The following ATF6B variants were observed in gnomAD, a reference collection of about 807,000 sequenced individuals.
ATF6B encodes activating transcription factor 6 beta, also known as cyclic AMP-dependent transcription factor ATF-6 beta.
A neutral mutation model predicts 83.5 loss-of-function variants in ATF6B; 50 were observed. That is an observed-to-expected ratio of 0.60 (90% CI 0.48 to 0.76). The LOEUF (loss-of-function observed/expected upper bound fraction) is 0.76, where lower values mean the gene tolerates loss of function less well. Among genes scored for constraint, ATF6B ranks in the 30% least tolerant of loss-of-function variants. ATF6B has a pLI of 0.00. For missense variants in ATF6B, 790 were observed against 893.8 expected (o/e 0.88, Z 1.48); for synonymous variants, 344 against 362.8 (o/e 0.95, Z 0.59).
intron 1 of ATF6B, 140 bp from the exon 2 acceptor site, chr6:32,127,890 G>T: frequency 9.5e-7 from 1 of 1,051,834 alleles, no homozygotes; most frequent in Non-Finnish European, 1.4e-6. Flanking sequence ...CAACCAGGGC[G>T]CTTCAGCCCC....
At chr6:32,123,685 G>A (rs779294059) in intron 5 of ATF6B, among the ~76,000 whole-genome samples, 1 of 152,126 alleles carries the variant, frequency 6.6e-6, no homozygotes, top group Non-Finnish European at 1.5e-5. Context: ...ACTGTGCCTG[G>A]CCTGCTAATG....
In ATF6B at chr6:32,119,135, G is replaced by C; in HGVS notation, c.973C>G (p.Leu325Val). The change falls in exon 10 of 18, where the codon CTG becomes GTG. Residue 325 changes from leucine to valine, a missense_variant. Coordinates refer to ENST00000375203, the MANE Select transcript of ATF6B (RefSeq NM_004381.5). This position sits in a 1 kb window ranked among gnomAD's most constrained non-coding sequence, Gnocchi z 4.9. ...ATCATTCGCTGCTGCCGCTTCAGCA[G>C]CTTTGCCTAGGCACCCGGAAGGTCA... Reference protein sequence around the residue: ...NSCPPEVDAKLLKRQQRMIKN... With the variant: ...NSCPPEVDAKVLKRQQRMIKN... 6.2e-7 allele frequency: 1 copy of C among 1,609,872 alleles called. No homozygotes were observed. Among genetic ancestry groups the C allele is most frequent in the Non-Finnish European group, 8.5e-7 (1 of 1,179,104 alleles).
chr6:32,120,468 T>C (rs1254362001), intron 8 of ATF6B: 1 of 196,208 alleles, frequency 5.1e-6, no homozygotes, highest in Non-Finnish European at 1.0e-5. Flanking sequence ...TTTTTTTTTT[T>C]GAGACAAAGT....
At chr6:32,128,070 C>T (rs1354569478) in intron 1 of ATF6B, 47 bp downstream of exon 1, 6 of 1,604,104 alleles carry the variant, frequency 3.7e-6, no homozygotes, top group South Asian at 1.1e-5. Flanking sequence ...TTCCCGCGTG[C>T]CTCAGGGACA....
chr6:32,115,704 C>T lies in ATF6B; in HGVS notation c.*35G>A, dbSNP rs201266072. On this transcript the variant is annotated 3_prime_UTR_variant, in exon 18 of 18. Transcript: ENST00000375203. ...GTCCCACCTGGCCACCTGGTACCCC[C>T]TCCCCCCGTTCTAAGTCAGTGTGAA... The T allele has an allele frequency of 5.5e-5, 84 of 1,524,196 alleles. No homozygotes were observed. The highest frequency in any genetic ancestry group is 7.1e-5 in the Non-Finnish European group (80 of 1,127,382). The allele number at this position is 1,524,196 out of a possible 1,614,324, so 94.4% of individuals were successfully genotyped here. A position where few individuals can be genotyped will look rare whatever the true frequency, so the allele number is the denominator to read the frequency against.
At position 32,119,362 on chromosome 6, in the gene ATF6B, A is replaced by G. The variant is rs1781661797; in HGVS notation, c.967-221T>C. 6.6e-6 allele frequency among the ~76,000 whole-genome samples: 1 copy of G among 152,162 alleles called. No individual in the cohort carries two copies. Among genetic ancestry groups the G allele is most frequent in the African/African-American group, 2.4e-5 (1 of 41,438 alleles). ...TGCTACTGCTCCTCAGAGGTGGGAAAGGTTAGAGTGTGGGAAGAACTTTCT... is the reference window on the plus strand; with the variant it reads ...TGCTACTGCTCCTCAGAGGTGGGAAGGGTTAGAGTGTGGGAAGAACTTTCT... On this transcript the variant is annotated intron_variant, in intron 9 of 17. Coordinates refer to ENST00000375203, the MANE Select transcript of ATF6B (RefSeq NM_004381.5). This position sits in a 1 kb window ranked among gnomAD's most constrained non-coding sequence, Gnocchi z 4.9.
In ATF6B at chr6:32,115,769, G is replaced by A. The variant is rs776728606; in HGVS notation, c.2082C>T (p.Ser694=). ...VSAASQAHQA[S]HQPLYLNHP ...GATGATTGAGGTAGAGGGGCTGGTG[G>A]GAGGCCTGGTGGGCCTGGCTGGCTG... The change falls in exon 18 of 18, where the codon TCC becomes TCT. Residue 694 remains serine, a synonymous_variant. Transcript: ENST00000375203. 8.7e-6 allele frequency: 14 copies of A among 1,609,682 alleles called. 1 individual carries two copies. The South Asian group carries it at 1.2e-4, about 14-fold the overall frequency.
At position 32,119,789 on chromosome 6, in the gene ATF6B, T is replaced by A. The variant is rs1311905926; in HGVS notation, c.966+35A>T. On this transcript the variant is annotated intron_variant, in intron 9 of 17. Transcript: ENST00000375203. This position sits in a 1 kb window ranked among gnomAD's most constrained non-coding sequence, Gnocchi z 4.9. ...GCAAGACTTCCCTCTTCCCTTCCCA[T>A]CACTCGCCCTACTTCTCTCCTCCCC... The A allele has an allele frequency of 1.2e-6, 2 of 1,607,748 alleles. No homozygotes were observed. Among genetic ancestry groups the A allele is most frequent in the African/African-American group, 2.7e-5 (2 of 74,876 alleles).
Position 32,115,944 on chromosome 6 carries a change from G to A in ATF6B, c.1907C>T (p.Pro636Leu). ...CTGCATCATCTCCTCATAGTCCCCC[G>A]GGGCCCCACGGCCTGACAGGGTCTC... ...PNETLSGRGA[P>L]GDYEEMMQIE... Residue 636 changes from proline (P) to leucine (L), a missense_variant, in exon 18 of 18, where the codon CCG becomes CTG. Around this residue, in one of 3 missense-constraint regions of ATF6B, gnomAD observed 530 missense variants for 632.6 expected, o/e 0.84. Transcript: ENST00000375203. 6 of 1,613,756 alleles carry A rather than the reference G, an allele frequency of 3.7e-6. No individual in the cohort carries two copies. The highest frequency in any genetic ancestry group is 2.2e-5 in the East Asian group (1 of 44,870).
rs1362889102 is a variant in ATF6B, at chr6:32,121,213, A to T, written c.564+50T>A. 1.9e-6 allele frequency: 3 copies of T among 1,610,508 alleles called. No homozygotes were observed. The African/African-American group carries it at 4.0e-5, about 21-fold the overall frequency. On this transcript the variant is annotated intron_variant, in intron 6 of 17. Coordinates refer to ENST00000375203, the MANE Select transcript of ATF6B (RefSeq NM_004381.5). ...GGGAAAGCTCTCATACCTCTAGGTC[A>T]GGAGGAACTCACTGGAAAACCTGGA...
chr6:32,119,150 C>A lies in ATF6B; in HGVS notation c.967-9G>T. Reference sequence around the variant, plus strand: ...CGCTTCAGCAGCTTTGCCTAGGCACCCGGAAGGTCAAAAAAGAATGACAGA... The same window carrying A: ...CGCTTCAGCAGCTTTGCCTAGGCACACGGAAGGTCAAAAAAGAATGACAGA... On this transcript the variant is annotated splice_polypyrimidine_tract_variant and intron_variant, in intron 9 of 17. Transcript: ENST00000375203. This position sits in a 1 kb window ranked among gnomAD's most constrained non-coding sequence, Gnocchi z 4.9. 1 of 1,602,360 alleles carries A rather than the reference C, an allele frequency of 6.2e-7. No individual in the cohort carries two copies.
chr6:32,122,230 G>A (rs1479632793), intron 5 of ATF6B, among the ~76,000 whole-genome samples: 1 of 152,038 alleles, frequency 6.6e-6, no homozygotes, highest in Admixed American at 6.6e-5. Flanking sequence ...TGATTGCCCC[G>A]TCACACAAGT....
intron 8 of ATF6B, 149 bp from the exon 9 acceptor site, chr6:32,120,106 T>C: frequency 9.1e-7 from 1 of 1,100,688 alleles, no homozygotes. Flanking sequence ...TTCTCCTTTT[T>C]TTCTTTTTTG....
rs201935311 is a variant in ATF6B at position 32,122,552 on chromosome 6, C to CA, written c.479-1205dup. On this transcript the variant is annotated intron_variant, in intron 5 of 17. Coordinates refer to ENST00000375203, the MANE Select transcript of ATF6B (RefSeq NM_004381.5). ...CCAAACGAACAAAGGAAAATTAAGT[C>CA]AAAAAAAAAATCTTGGCGGGGCACG... Among the ~76,000 whole-genome samples the CA allele has an allele frequency of 6.0e-4, 89 of 148,788 alleles. 3 individuals are homozygous for CA. The East Asian group carries it at 0.016, about 27-fold the overall frequency.
intron 5 of ATF6B, among the ~76,000 whole-genome samples, chr6:32,121,941 CCT>C (rs1291043409): frequency 6.6e-6 from 1 of 152,156 alleles, no homozygotes; most frequent in Non-Finnish European, 1.5e-5. Context: ...TCTGCGTTTC[CCT>C]CTTTCTTGTT....
Position 32,120,920 on chromosome 6 carries a change from A to G in ATF6B, c.701-18T>C. 1 of 1,526,116 alleles carries G rather than the reference A, an allele frequency of 6.6e-7. No individual in the cohort carries two copies. Among genetic ancestry groups the G allele is most frequent in the Non-Finnish European group, 8.8e-7 (1 of 1,138,020 alleles). The allele number at this position is 1,526,116 out of a possible 1,614,324, so 94.5% of individuals were successfully genotyped here. On this transcript the variant is annotated intron_variant, in intron 7 of 17. Transcript: ENST00000375203. ...GGCTTTGCCTGAAGGAAGGTGAGAGAAAAGAACAAGAAATGTCAGGACCAA... is the reference window on the plus strand; with the variant it reads ...GGCTTTGCCTGAAGGAAGGTGAGAGGAAAGAACAAGAAATGTCAGGACCAA...
chr6:32,117,488 C>G lies in ATF6B; in HGVS notation c.1533-84G>C. ...CCCACCCACAGGAGTGAGGAGAGGG[C>G]AGGGAGCACTGGCGCTTTAGTACAC... On this transcript the variant is annotated intron_variant, in intron 13 of 17. Coordinates refer to ENST00000375203, the MANE Select transcript of ATF6B (RefSeq NM_004381.5). The surrounding 1 kb of genome is among the most constrained non-coding windows in gnomAD (Gnocchi z 5.0). 2.5e-6 allele frequency: 4 copies of G among 1,594,116 alleles called. No individual in the cohort carries two copies. The highest frequency in any genetic ancestry group is 3.4e-6 in the Non-Finnish European group (4 of 1,166,244).
chr6:32,117,592 G>A lies in ATF6B; in HGVS notation c.1527C>T (p.Ser509=). The A allele has an allele frequency of 1.9e-6, 3 of 1,613,924 alleles. No individual in the cohort carries two copies. The highest frequency in any genetic ancestry group is 2.5e-6 in the Non-Finnish European group (3 of 1,179,856). ...SDCRHFNRTE[S]LRLADELSGW... is the part of the protein sequence containing the mutation. ...CCCAGCAATGAATCCCACACCTCAG[G>A]GACTCAGTGCGGTTGAAGTGCCGGC... The change falls in exon 13 of 18, where the codon TCC becomes TCT. Residue 509 remains serine, a synonymous_variant. Coordinates refer to ENST00000375203, the MANE Select transcript of ATF6B (RefSeq NM_004381.5). The surrounding 1 kb of genome is among the most constrained non-coding windows in gnomAD (Gnocchi z 5.0).
In ATF6B at chr6:32,119,824, A is replaced by G. The variant is rs1781680116; in HGVS notation, c.966T>C (p.Asp322=). The G allele has an allele frequency of 6.2e-7, 1 of 1,613,406 alleles. No individual in the cohort carries two copies. The highest frequency in any genetic ancestry group is 1.1e-5 in the South Asian group (1 of 91,050). Residue 322 remains aspartate, a splice_region_variant and synonymous_variant, in exon 9 of 18, where the codon GAT becomes GAC. Coordinates refer to ENST00000375203, the MANE Select transcript of ATF6B (RefSeq NM_004381.5). This position sits in a 1 kb window ranked among gnomAD's most constrained non-coding sequence, Gnocchi z 4.9. ...MPGNSCPPEV[D]AKLLKRQQRM... Reference sequence around the variant, plus strand: ...TACTTCTCTCCTCCCCAACACTTACATCCACTTCAGGCGGGCAGGAGTTTC... The same window carrying G: ...TACTTCTCTCCTCCCCAACACTTACGTCCACTTCAGGCGGGCAGGAGTTTC...
Sources: gnomAD v4.1 joint callset for allele counts (sites outside exome capture counted in the v4.1 genomes callset) on GRCh38, gnomAD v4.1.1 for gene constraint, gnomAD v4.1.1 regional missense constraint, Gnocchi (gnomAD v3.1) non-coding constraint, MANE v1.5 for transcripts, NCBI Gene and HGNC (gene_info 2026-07-23, HGNC 2026-07-21) for gene names.